PPP2R1B: variants seen among roughly 807,000 people sequenced by gnomAD.
PPP2R1B encodes serine/threonine-protein phosphatase 2A 65 kDa regulatory subunit A beta isoform.
PPP2R1B carries 58 observed loss-of-function variants against 72.7 expected under a neutral mutation model. The ratio of observed to expected loss-of-function variants is 0.80; its 90% CI spans 0.65 to 0.99. The LOEUF is 0.99. Among genes scored for constraint, PPP2R1B ranks in the 50% least tolerant of loss-of-function variants. The pLI, the probability that PPP2R1B is intolerant of heterozygous loss-of-function variation, is 0.00. For synonymous variants in PPP2R1B, 256 were observed against 264.6 expected (o/e 0.97, Z 0.32); for missense variants, 695 against 733.6 (o/e 0.95, Z 0.61).
At chr11:111,731,075 G>A (rs1351036733) in intron 15 of PPP2R1B, among the ~76,000 whole-genome samples, 1 of 152,224 alleles carries the variant, frequency 6.6e-6, no homozygotes, top group Non-Finnish European at 1.5e-5. Context: ...GCTGCAGATC[G>A]CTGACGGAAG....
Position 111,753,493 on chromosome 11 carries a change from T to A in PPP2R1B, c.1114A>T (p.Asn372Tyr). 6.2e-7 allele frequency: 1 copy of A among 1,613,944 alleles called. No homozygotes were observed. The highest frequency in any genetic ancestry group is 8.5e-7 in the Non-Finnish European group (1 of 1,179,888). Reference protein sequence around the residue: ...MGLSTILGKENTIEHLLPLFL... With the variant: ...MGLSTILGKEYTIEHLLPLFL... ...AGAGGTAGAAGATGTTCAATGGTAT[T>A]TTCTTTGCCCAAAATAGTAGACAAT... The change falls in exon 9 of 15, where the codon AAT (asparagine) becomes TAT (tyrosine). Residue 372 changes from asparagine (N) to tyrosine (Y), a missense_variant. Asn to Tyr is a moderately radical substitution (Grantham distance 143). Coordinates refer to ENST00000527614, the MANE Select transcript of PPP2R1B (RefSeq NM_002716.5).
At chr11:111,741,658 CG>C (rs762687137) in intron 14 of PPP2R1B, 46 bp from the exon 15 acceptor site, 14 of 1,587,040 alleles carry the variant, frequency 8.8e-6, no homozygotes, top group Non-Finnish European at 1.2e-5. Flanking sequence ...AGAAAGTTCA[CG>C]AACGATCTAT....
At chr11:111,747,913 T>C (rs746772135) in intron 11 of PPP2R1B, 41 bp downstream of exon 11, 25 of 1,542,068 alleles carry the variant, frequency 1.6e-5, no homozygotes, top group African/African-American at 2.7e-5. Flanking sequence ...ATGAAAATCA[T>C]GGATATATGG....
the PPP2R1B span, among the ~76,000 whole-genome samples, chr11:111,704,378 G>A: frequency 6.6e-6 from 1 of 152,242 alleles, no homozygotes; most frequent in Non-Finnish European, 1.5e-5. Flanking sequence ...AAAGCTGGCA[G>A]GCTAGAGATG....
At position 111,738,096 on chromosome 11, in the gene PPP2R1B, G is replaced by T; in HGVS notation, c.*3500C>A. 1.0e-6 allele frequency: 1 copy of T among 990,388 alleles called. No individual in the cohort carries two copies. The highest frequency in any genetic ancestry group is 1.2e-6 in the Non-Finnish European group (1 of 832,384). The allele number at this position is 990,388 out of a possible 1,614,324, so 61.4% of individuals were successfully genotyped here. On this transcript the variant is annotated 3_prime_UTR_variant, in exon 15 of 15. Transcript: ENST00000527614. ...TGGAGGGAGACATGCGAGGGAAGAG[G>T]AAAGAGGAGAGTAAGGAACTGGATG...
rs373338370 is a variant in PPP2R1B at position 111,766,202 on chromosome 11, C to T, written c.114+46G>A. 1.1e-4 allele frequency: 171 copies of T among 1,597,564 alleles called. 1 individual carries two copies. Among genetic ancestry groups the T allele is most frequent in the Non-Finnish European group, 1.1e-4 (129 of 1,166,646 alleles). On this transcript the variant is annotated intron_variant, in intron 1 of 14. Transcript: ENST00000527614. Reference sequence around the variant, plus strand: ...CGCAGGCCTTCCCCCTTCTCTACCACGCGACCAGCCGGTCTCGCCTCGGGT... The same window carrying T: ...CGCAGGCCTTCCCCCTTCTCTACCATGCGACCAGCCGGTCTCGCCTCGGGT...
In PPP2R1B at chr11:111,740,726, G is replaced by A. The variant is rs1938765688; in HGVS notation, c.*870C>T. ...CAAGGACTAGGTGTCAATACTGCTG[G>A]AAGCAGAGCCAGGTAAAGAACAGGA... On this transcript the variant is annotated 3_prime_UTR_variant, in exon 15 of 15. Transcript: ENST00000527614. 1 of 985,418 alleles carries A rather than the reference G, an allele frequency of 1.0e-6. No individual in the cohort carries two copies. The allele number at this position is 985,418 out of a possible 1,614,324, so 61.0% of individuals were successfully genotyped here.
chr11:111,705,150 C>A, the PPP2R1B span: 2 of 1,550,642 alleles, frequency 1.3e-6, no homozygotes, highest in South Asian at 2.6e-5. This position sits in a 1 kb window ranked among gnomAD's most constrained non-coding sequence, Gnocchi z 4.3. Context: ...GTAATGCCCC[C>A]TTAGCTGAGA....
chr11:111,719,407 AC>A, the PPP2R1B span, among the ~76,000 whole-genome samples: 3 of 149,486 alleles, frequency 2.0e-5, no homozygotes, highest in South Asian at 2.1e-4. Flanking sequence ...AAAAAAAAAA[AC>A]AACTCATCTT....
rs1010595562 is a variant in PPP2R1B at position 111,738,378 on chromosome 11, G to A, written c.*3218C>T. ...CCACCCTGCCCTGCCATCGCCACAGGGACAGAGCCAATGTGACGTCTAAGG... is the reference window on the plus strand; with the variant it reads ...CCACCCTGCCCTGCCATCGCCACAGAGACAGAGCCAATGTGACGTCTAAGG... On this transcript the variant is annotated 3_prime_UTR_variant, in exon 15 of 15. Coordinates refer to ENST00000527614, the MANE Select transcript of PPP2R1B (RefSeq NM_002716.5). The A allele has an allele frequency of 2.9e-5, 29 of 985,512 alleles. No homozygotes were observed. In the East Asian group the frequency reaches 1.8e-3, roughly 62 times the overall value. 61.0% of individuals were successfully genotyped at this position (985,512 alleles called of 1,614,324 possible).
In PPP2R1B at chr11:111,755,309, C is replaced by A; in HGVS notation, c.829G>T (p.Asp277Tyr). The A allele has an allele frequency of 6.2e-7, 1 of 1,605,152 alleles. No individual in the cohort carries two copies. The highest frequency in any genetic ancestry group is 1.1e-5 in the South Asian group (1 of 88,780). Reference protein sequence around the residue: ...KSWRVRYMVADRFSELQKAMG... With the variant: ...KSWRVRYMVAYRFSELQKAMG... ...GATCACTTTACCTCTGAAAATCTGT[C>A]AGCCACCATATAGCGAACGCGCCAA... Residue 277 changes from aspartate (D) to tyrosine (Y), a missense_variant, in exon 6 of 15, where the codon GAC (aspartate) becomes TAC (tyrosine). Physicochemically the swap from Asp to Tyr is radical, Grantham distance 160 (BLOSUM62 -3). Coordinates refer to ENST00000527614, the MANE Select transcript of PPP2R1B (RefSeq NM_002716.5).
At chr11:111,737,779 C>A (rs1294332916), downstream of PPP2R1B, 59 of 1,314,962 alleles carry the variant, frequency 4.5e-5, no homozygotes, top group Non-Finnish European at 5.7e-5. Context: ...CCCTGGAAAG[C>A]GCCACCCCAT....
At chr11:111,712,283 C>G in the PPP2R1B span, 1 of 1,614,256 alleles carries the variant, frequency 6.2e-7, no homozygotes, top group Non-Finnish European at 8.5e-7. Context: ...CCTCCTCCCC[C>G]AGGCATCCAA....
rs1266452014 is a variant in PPP2R1B at position 111,742,623 on chromosome 11, T to C, written c.1597A>G (p.Met533Val). ...GCCATTTTTAATACGATGGGCAGCA[T>C]TTGCTTAGTAGTTATTTCCTGACCA... Reference protein sequence around the residue: ...ACGQEITTKQMLPIVLKMAGD... With the variant: ...ACGQEITTKQVLPIVLKMAGD... Residue 533 changes from methionine (M) to valine (V), a missense_variant, in exon 13 of 15, where the codon ATG becomes GTG. Physicochemically the swap from Met to Val is conservative, Grantham distance 21 (BLOSUM62 1). Transcript: ENST00000527614. The C allele has an allele frequency of 6.2e-7, 1 of 1,613,738 alleles. No homozygotes were observed. The highest frequency in any genetic ancestry group is 2.2e-5 in the East Asian group (1 of 44,870).
Position 111,728,863 on chromosome 11 carries a change from G to A in PPP2R1B, c.1912-1806C>T, listed in dbSNP as rs992768676. The A allele has an allele frequency of 4.0e-5, 6 of 150,802 alleles. No homozygotes were observed. In the East Asian group the frequency reaches 1.2e-3, roughly 30 times the overall value. The allele number at this position is 150,802 out of a possible 1,614,324, so 9.3% of individuals were successfully genotyped here. On this transcript the variant is annotated intron_variant, in intron 15 of 15. Transcript: ENST00000311129. ...GGCGTGAACCCGGGAGGTGGAGCTT[G>A]CAGTGAGCCAAGATCGTGCCACTGC... is the stretch of plus-strand genomic sequence containing the variant.
intron 13 of PPP2R1B, 119 bp downstream of exon 13, chr11:111,742,404 G>T: frequency 1.7e-6 from 2 of 1,190,948 alleles, no homozygotes; most frequent in South Asian, 1.7e-5. Flanking sequence ...TTTTCTTTAA[G>T]CAAACCCAGA....
the PPP2R1B span, among the ~76,000 whole-genome samples, chr11:111,709,188 T>C: frequency 6.6e-6 from 1 of 152,232 alleles, no homozygotes; most frequent in Non-Finnish European, 1.5e-5. Flanking sequence ...TGTAGCTGGC[T>C]GTCTTTTCAC....
At chr11:111,703,308 A>G in the PPP2R1B span, 7 of 1,614,088 alleles carry the variant, frequency 4.3e-6, no homozygotes, top group Non-Finnish European at 5.9e-6. Flanking sequence ...GTTCCTGTCC[A>G]GAGACCTGTT....
the PPP2R1B span, among the ~76,000 whole-genome samples, chr11:111,707,719 A>AT: frequency 7.9e-5 from 12 of 152,238 alleles, no homozygotes; most frequent in South Asian, 2.3e-3. Context: ...TGATGTTCTA[A>AT]TTTTTTTAAA....
Sources: gnomAD v4.1 joint callset for allele counts (sites outside exome capture counted in the v4.1 genomes callset) on GRCh38, gnomAD v4.1.1 for gene constraint, Gnocchi (gnomAD v3.1) non-coding constraint, MANE v1.5 for transcripts, NCBI Gene and HGNC (gene_info 2026-07-23, HGNC 2026-07-21) for gene names.